Variants in ZNF558 observed in about 807,000 individuals in gnomAD.
The protein encoded by ZNF558 is zinc finger protein 558.
ZNF558 carries 23 observed loss-of-function variants against 37.6 expected under a neutral mutation model. That is an observed-to-expected ratio of 0.61 (90% CI 0.44 to 0.87). The LOEUF is 0.87. Ranked by LOEUF, ZNF558 falls within the 40% of genes least tolerant of loss-of-function variation. The pLI is 0.00. For synonymous variants in ZNF558, 189 were observed against 174.4 expected (o/e 1.08, Z -0.66); for missense variants, 429 against 483.7 (o/e 0.89, Z 1.06).
chr19:8,820,640 C>T lies in ZNF558; in HGVS notation c.247+540G>A, dbSNP rs369907954. ...GGGGATAGGTGTGTGCCACCACGTC[C>T]GGCTAATTTGTATTTTTAGTGGAGA... On this transcript the variant is annotated intron_variant, in intron 7 of 9. Transcript: ENST00000601372. Among the ~76,000 whole-genome samples the T allele has an allele frequency of 9.9e-5, 15 of 152,054 alleles. No homozygotes were observed. The East Asian group carries it at 1.2e-3, about 12-fold the overall frequency.
intron 7 of ZNF558, among the ~76,000 whole-genome samples, chr19:8,815,043 A>G (rs1454033374): frequency 2.1e-5 from 1 of 46,728 alleles, no homozygotes; most frequent in Admixed American, 1.5e-4. Flanking sequence ...GCTATATTAT[A>G]ATATTCCAAA....
chr19:8,832,058 A>G (rs1228263881), intron 1 of ZNF558, 151 bp downstream of exon 1: 1 of 152,278 alleles, frequency 6.6e-6, no homozygotes, highest in South Asian at 2.1e-4. Flanking sequence ...ACCCAGGAGC[A>G]AGCAGCAGCT....
At chr19:8,827,970 G>C (rs2044269943) in intron 2 of ZNF558, among the ~76,000 whole-genome samples, 1 of 152,154 alleles carries the variant, frequency 6.6e-6, no homozygotes, top group African/African-American at 2.4e-5. Flanking sequence ...TCCTTACACA[G>C]CTTCTTCGAC....
chr19:8,833,105 A>G (rs914816243), upstream of ZNF558: 2 of 152,570 alleles, frequency 1.3e-5, no homozygotes, highest in Non-Finnish European at 2.9e-5. Flanking sequence ...GGGTATGAAT[A>G]AAAGGGTGTA....
chr19:8,837,665 C>G, the ZNF558 span, among the ~76,000 whole-genome samples: 1 of 152,144 alleles, frequency 6.6e-6, no homozygotes, highest in East Asian at 1.9e-4. Flanking sequence ...GCCTCATGGA[C>G]AAGACAAGTT....
At position 8,808,327 on chromosome 19, in the gene ZNF558, A is replaced by G. The variant is rs2043720044; in HGVS notation, c.*2954T>C. Reference sequence around the variant, plus strand: ...CCATCTAAAATAAATAAATAAATAAATAAATGTTTGACCATTTATTATTAA... The same window carrying G: ...CCATCTAAAATAAATAAATAAATAAGTAAATGTTTGACCATTTATTATTAA... On this transcript the variant is annotated 3_prime_UTR_variant, in exon 10 of 10. Transcript: ENST00000601372. The G allele has an allele frequency of 7.2e-6, 1 of 138,146 alleles. No homozygotes were observed. The highest frequency in any genetic ancestry group is 1.6e-5 in the Non-Finnish European group (1 of 62,012). 8.6% of individuals were successfully genotyped at this position (138,146 alleles called of 1,614,324 possible). A position where few individuals can be genotyped will look rare whatever the true frequency, so the allele number is the denominator to read the frequency against.
chr19:8,819,395 G>C (rs2145233807), intron 7 of ZNF558, among the ~76,000 whole-genome samples: 1 of 152,086 alleles, frequency 6.6e-6, no homozygotes, highest in African/African-American at 2.4e-5. Context: ...TGGCCAGGCT[G>C]GTCTTGAACT....
In ZNF558 at chr19:8,812,583, T is replaced by C. The variant is rs782421375; in HGVS notation, c.404A>G (p.Glu135Gly). The change falls in exon 9 of 10, where the codon GAA becomes GGA. Residue 135 changes from glutamate to glycine, a missense_variant. By Grantham distance (98) the Glu-to-Gly change is moderately conservative. Coordinates refer to ENST00000601372, the MANE Select transcript of ZNF558 (RefSeq NM_144693.3). The part of the protein sequence containing the change: ...LTPKKNVFRK[E>G]QSKGVKTERS... Reference sequence around the variant, plus strand: ...TACCGTTTTTACACCTTTAGACTGTTCTTTTCTGAAAACATTCTTCTTAGG... The same window carrying C: ...TACCGTTTTTACACCTTTAGACTGTCCTTTTCTGAAAACATTCTTCTTAGG... 6.2e-7 allele frequency: 1 copy of C among 1,604,196 alleles called. No individual in the cohort carries two copies.
At position 8,811,178 on chromosome 19, in the gene ZNF558, T is replaced by G; in HGVS notation, c.*103A>C. 7.7e-7 allele frequency: 1 copy of G among 1,296,456 alleles called. No individual in the cohort carries two copies. The highest frequency in any genetic ancestry group is 1.0e-6 in the Non-Finnish European group (1 of 956,286). 80.3% of individuals were successfully genotyped at this position (1,296,456 alleles called of 1,614,324 possible). ...CCACAAAATTTGCGGGGATCATTTG[T>G]TATGCTGCAACAAATAACTTATATA... On this transcript the variant is annotated 3_prime_UTR_variant, in exon 10 of 10. Transcript: ENST00000601372.
chr19:8,826,203 G>A (rs550222581), intron 2 of ZNF558, among the ~76,000 whole-genome samples: 1 of 152,246 alleles, frequency 6.6e-6, no homozygotes, highest in East Asian at 1.9e-4. Context: ...TCTGGTACCA[G>A]GGACTGGTTT....
At chr19:8,817,144 G>A (rs892938444) in intron 7 of ZNF558, among the ~76,000 whole-genome samples, 1 of 152,174 alleles carries the variant, frequency 6.6e-6, no homozygotes, top group East Asian at 1.9e-4. Context: ...AATAGTTATA[G>A]AGCAAATAGT....
intron 2 of ZNF558, among the ~76,000 whole-genome samples, chr19:8,825,830 T>C (rs2044219021): frequency 6.6e-6 from 1 of 152,158 alleles, no homozygotes; most frequent in African/African-American, 2.4e-5. Context: ...GGGGTCTGTG[T>C]TCTAATCCCC....
intron 7 of ZNF558, among the ~76,000 whole-genome samples, chr19:8,817,017 TA>T (rs2145217722): frequency 1.3e-5 from 2 of 151,838 alleles, no homozygotes; most frequent in East Asian, 3.9e-4. Context: ...AGAAAATAAC[TA>T]AAAAGATTAA....
At chr19:8,824,506 C>A (rs1318806294) in intron 3 of ZNF558, 89 bp from the exon 4 acceptor site, 1 of 152,182 alleles carries the variant, frequency 6.6e-6, no homozygotes, top group South Asian at 2.1e-4. Flanking sequence ...CAAGAGATGA[C>A]AAATCATCTC....
upstream of ZNF558, among the ~76,000 whole-genome samples, chr19:8,832,829 G>C (rs937550120): frequency 1.1e-4 from 17 of 151,902 alleles, no homozygotes. Context: ...GGCTGTGGTT[G>C]TGACAGCCCT....
intron 4 of ZNF558, among the ~76,000 whole-genome samples, chr19:8,823,438 A>ACCCCCCTCCTGCCTCGGTCC (rs2044150766): frequency 1.6e-4 from 5 of 31,212 alleles, no homozygotes; most frequent in Admixed American, 5.0e-4. Context: ...TGCCTCGGTC[A>ACCCCCCTCCTGCCTCGGTCC]CCCCCCTCCT....
At position 8,811,726 on chromosome 19, in the gene ZNF558, T is replaced by C; in HGVS notation, c.764A>G (p.Lys255Arg). 1.2e-6 allele frequency: 2 copies of C among 1,614,202 alleles called. No individual in the cohort carries two copies. Among genetic ancestry groups the C allele is most frequent in the Non-Finnish European group, 1.7e-6 (2 of 1,180,042 alleles). The change falls in exon 10 of 10, where the codon AAG becomes AGG. Residue 255 changes from lysine (K) to arginine (R), a missense_variant. By Grantham distance (26) the Lys-to-Arg change is conservative. Coordinates refer to ENST00000601372, the MANE Select transcript of ZNF558 (RefSeq NM_144693.3). Reference protein sequence around the residue: ...FRTSCNLKSHKRIHTGENHHE... With the variant: ...FRTSCNLKSHRRIHTGENHHE... ...GTGATTCTCCCCCGTGTGAATCCTC[T>C]TGTGGCTTTTGAGGTTACAACTGGT...
At chr19:8,817,955 A>G (rs1351121178) in intron 7 of ZNF558, among the ~76,000 whole-genome samples, 1 of 152,210 alleles carries the variant, frequency 6.6e-6, no homozygotes, top group Non-Finnish European at 1.5e-5. Context: ...AAAAGGAAAC[A>G]GAAGGATTAA....
intron 1 of ZNF558, among the ~76,000 whole-genome samples, chr19:8,831,671 T>A (rs908719296): frequency 7.9e-5 from 12 of 152,206 alleles, no homozygotes; most frequent in Non-Finnish European, 1.2e-4. Context: ...CTATGGTGAC[T>A]CCACAGGCTT....
Sources: gnomAD v4.1 joint callset for allele counts (sites outside exome capture counted in the v4.1 genomes callset) on GRCh38, gnomAD v4.1.1 for gene constraint, MANE v1.5 for transcripts, NCBI Gene and HGNC (gene_info 2026-07-23, HGNC 2026-07-21) for gene names.